Variants in CHD9NB observed in about 807,000 individuals in gnomAD.
CHD9NB encodes the protein CHD9 neighbor.
At chr16:53,037,298 C>T in the CHD9NB span, among the ~76,000 whole-genome samples, 1 of 152,138 alleles carries the variant, frequency 6.6e-6, no homozygotes, top group Non-Finnish European at 1.5e-5. Flanking sequence ...CTTTAGCTGC[C>T]GCTGTGTTCT....
At chr16:53,047,398 C>T in the CHD9NB span, 1 of 152,180 alleles carries the variant, frequency 6.6e-6, no homozygotes, top group African/African-American at 2.4e-5. Context: ...GTGGCTTACA[C>T]AAGACATCTA....
At chr16:53,048,975 C>T in the CHD9NB span, among the ~76,000 whole-genome samples, 7 of 152,210 alleles carry the variant, frequency 4.6e-5, no homozygotes, top group African/African-American at 1.7e-4. Context: ...ATACAGAAGA[C>T]ATGTAGCACC....
chr16:53,051,130 G>C, the CHD9NB span, among the ~76,000 whole-genome samples: 3 of 151,692 alleles, frequency 2.0e-5, no homozygotes, highest in African/African-American at 7.3e-5. Context: ...CTCGTGATCC[G>C]CCTGCCTCGG....
the CHD9NB span, chr16:53,044,083 CT>C: frequency 7.5e-6 from 3 of 398,764 alleles, no homozygotes; most frequent in East Asian, 1.1e-4. Context: ...AGACCTGGCT[CT>C]CTTCCCTCGC....
the CHD9NB span, among the ~76,000 whole-genome samples, chr16:53,050,744 G>A: frequency 6.6e-6 from 1 of 152,036 alleles, no homozygotes; most frequent in African/African-American, 2.4e-5. Context: ...TCTGGGACGG[G>A]TACCCAGGCC....
At chr16:53,041,309 C>A in the CHD9NB span, among the ~76,000 whole-genome samples, 1 of 152,218 alleles carries the variant, frequency 6.6e-6, no homozygotes, top group African/African-American at 2.4e-5. Flanking sequence ...ATTCTCGAAC[C>A]TCAAAGGGAG....
the CHD9NB span, among the ~76,000 whole-genome samples, chr16:53,038,702 C>A: frequency 2.0e-5 from 3 of 151,870 alleles, no homozygotes; most frequent in Non-Finnish European, 2.9e-5. Context: ...TGTACAACAA[C>A]GGGGTTTTAT....
chr16:53,044,788 A>G, the CHD9NB span, among the ~76,000 whole-genome samples: 1 of 152,214 alleles, frequency 6.6e-6, no homozygotes, highest in African/African-American at 2.4e-5. Flanking sequence ...TAGGTGTATT[A>G]TTTAATCTTC....
the CHD9NB span, chr16:53,044,362 C>T: frequency 1.5e-5 from 6 of 390,360 alleles, no homozygotes; most frequent in African/African-American, 1.2e-4. Context: ...GAGAGCTGCC[C>T]TTCCGGCTAA....
At chr16:53,048,292 GCTA>G in the CHD9NB span, among the ~76,000 whole-genome samples, 2 of 152,034 alleles carry the variant, frequency 1.3e-5, no homozygotes, top group Non-Finnish European at 2.9e-5. Context: ...TGCAGTCCCA[GCTA>G]CTACAGTGGC....
the CHD9NB span, chr16:53,052,688 C>T: frequency 1.3e-5 from 2 of 152,502 alleles, no homozygotes; most frequent in African/African-American, 4.8e-5. Context: ...AAAGATGGGG[C>T]AAGAATGGTC....
the CHD9NB span, among the ~76,000 whole-genome samples, chr16:53,045,124 T>A: frequency 6.6e-6 from 1 of 151,920 alleles, no homozygotes; most frequent in Non-Finnish European, 1.5e-5. Flanking sequence ...TGTTTTTTTG[T>A]AGAGGTGCCG....
At chr16:53,044,354 G>A in the CHD9NB span, 1 of 392,848 alleles carries the variant, frequency 2.5e-6, no homozygotes, top group Non-Finnish European at 4.5e-6. Flanking sequence ...AGGGCCTGGA[G>A]AGCTGCCCTT....
At chr16:53,049,270 C>A in the CHD9NB span, among the ~76,000 whole-genome samples, 17 of 152,204 alleles carry the variant, frequency 1.1e-4, no homozygotes, top group African/African-American at 3.1e-4. Flanking sequence ...ATCCTCCTGC[C>A]TCAGCCTCCT....
At chr16:53,039,847 CGTT>C in the CHD9NB span, among the ~76,000 whole-genome samples, 7 of 151,978 alleles carry the variant, frequency 4.6e-5, no homozygotes, top group African/African-American at 1.7e-4. Flanking sequence ...CTCAGGCTGA[CGTT>C]GAAGAATGGG....
At chr16:53,035,862 G>A in the CHD9NB span, 1 of 152,124 alleles carries the variant, frequency 6.6e-6, no homozygotes, top group Non-Finnish European at 1.5e-5. Context: ...CCACTTGGAA[G>A]GCTGAGGTGG....
At chr16:53,038,692 T>C in the CHD9NB span, among the ~76,000 whole-genome samples, 2 of 152,150 alleles carry the variant, frequency 1.3e-5, no homozygotes, top group African/African-American at 2.4e-5. Context: ...CTGCACCCCC[T>C]GTACAACAAC....
chr16:53,040,162 C>T, the CHD9NB span, among the ~76,000 whole-genome samples: 1 of 152,060 alleles, frequency 6.6e-6, no homozygotes, highest in Non-Finnish European at 1.5e-5. Context: ...CTCCGCCTCC[C>T]AGATTCAAGC....
At chr16:53,035,975 A>C in the CHD9NB span, 2 of 152,174 alleles carry the variant, frequency 1.3e-5, no homozygotes, top group African/African-American at 4.8e-5. Context: ...AAAAAAAAAA[A>C]AAAAGACACC....
Sources: allele counts gnomAD v4.1 joint callset (sites outside exome capture counted in the v4.1 genomes callset), GRCh38; gene constraint gnomAD v4.1.1; transcripts MANE v1.5; gene names NCBI Gene and HGNC (gene_info 2026-07-23, HGNC 2026-07-21).